Variants in TMED3 observed in about 807,000 individuals in gnomAD.
TMED3 encodes transmembrane p24 trafficking protein 3, also known as transmembrane emp24 domain-containing protein 3.
Under a neutral mutation model 15.0 loss-of-function variants are expected in TMED3, and 9 were observed. The observed-to-expected ratio is 0.60, with a 90% CI of 0.36 to 1.04. The LOEUF (loss-of-function observed/expected upper bound fraction) is 1.04. TMED3 is among the 50% of genes least tolerant of loss of function. The pLI, the probability that TMED3 is intolerant of heterozygous loss-of-function variation, is 0.01. For synonymous variants in TMED3, 117 were observed against 121.4 expected, an observed-to-expected ratio of 0.96 and a Z score of 0.24; for missense variants, 267 against 278.9, an observed-to-expected ratio of 0.96 and a Z score of 0.30.
intron 2 of TMED3, among the ~76,000 whole-genome samples, chr15:79,374,265 A>G (rs375924940): frequency 6.6e-6 from 1 of 152,320 alleles, no homozygotes; most frequent in African/African-American, 2.4e-5. Flanking sequence ...TCTTATTGCT[A>G]CAAAGAGACT....
chr15:79,324,667 G>A (rs1197343918), downstream of TMED3, among the ~76,000 whole-genome samples: 3 of 152,168 alleles, frequency 2.0e-5, no homozygotes, highest in African/African-American at 7.2e-5. Context: ...AAAAATGTAT[G>A]AGGCTTTAGA....
intron 2 of TMED3, among the ~76,000 whole-genome samples, chr15:79,331,049 A>G (rs2058806377): frequency 6.6e-6 from 1 of 152,190 alleles, no homozygotes; most frequent in Non-Finnish European, 1.5e-5. Flanking sequence ...CATGAAGCCA[A>G]CACTTCACAT....
chr15:79,364,756 C>T lies in TMED3; in HGVS notation c.418-46644C>T, dbSNP rs376460586. 5.9e-5 allele frequency among the ~76,000 whole-genome samples: 9 copies of T among 151,678 alleles called. 1 individual carries two copies. In the East Asian group the frequency reaches 1.4e-3, roughly 23 times the overall value. On this transcript the variant is annotated intron_variant, in intron 2 of 2. Coordinates refer to the TMED3 transcript ENST00000424155. ...GAGAGGAGTTTGGCCACTGGATGGCCAAACTCTAGGGGCAGATCATCCTCT... is the reference window on the plus strand; with the variant it reads ...GAGAGGAGTTTGGCCACTGGATGGCTAAACTCTAGGGGCAGATCATCCTCT...
chr15:79,368,093 ATGT>A (rs879455342), intron 2 of TMED3, among the ~76,000 whole-genome samples: 1 of 152,140 alleles, frequency 6.6e-6, no homozygotes, highest in Non-Finnish European at 1.5e-5. Context: ...GTATGTTAGG[ATGT>A]TGTTTTTAGT....
At chr15:79,402,471 T>C (rs940628400) in intron 2 of TMED3, among the ~76,000 whole-genome samples, 4 of 152,128 alleles carry the variant, frequency 2.6e-5, no homozygotes, top group African/African-American at 9.7e-5. Flanking sequence ...GTCCTAGCAC[T>C]TGGTAGGGTA....
intron 2 of TMED3, among the ~76,000 whole-genome samples, chr15:79,341,011 T>C (rs1014099033): frequency 2.0e-5 from 3 of 151,962 alleles, no homozygotes; most frequent in African/African-American, 4.8e-5. Flanking sequence ...CTGGGCAACA[T>C]ACTGAGGCCC....
At chr15:79,406,831 T>C (rs1023474647) in intron 2 of TMED3, among the ~76,000 whole-genome samples, 4 of 152,320 alleles carry the variant, frequency 2.6e-5, no homozygotes, top group Admixed American at 2.6e-4. Flanking sequence ...TGTGTGCCTG[T>C]TATGTTAACA....
intron 2 of TMED3, among the ~76,000 whole-genome samples, chr15:79,356,723 A>G (rs1026407803): frequency 6.6e-6 from 1 of 152,196 alleles, no homozygotes; most frequent in East Asian, 1.9e-4. Context: ...GAAAGCATTC[A>G]TCCCCTTTAA....
intron 1 of TMED3, among the ~76,000 whole-genome samples, 157 bp from the exon 2 acceptor site, chr15:79,313,600 C>G (rs1165741504): frequency 2.6e-5 from 4 of 152,212 alleles, no homozygotes; most frequent in Non-Finnish European, 4.4e-5. Flanking sequence ...TAACCTTGCT[C>G]AGCCTTAGTA....
intron 2 of TMED3, among the ~76,000 whole-genome samples, chr15:79,371,475 A>C (rs1893337889): frequency 6.6e-6 from 1 of 152,284 alleles, no homozygotes; most frequent in South Asian, 2.1e-4. Flanking sequence ...TGCAGCAAAG[A>C]AAGAGTTTAA....
intron 2 of TMED3, among the ~76,000 whole-genome samples, chr15:79,366,687 G>A (rs111526628): frequency 1.0e-3 from 158 of 152,326 alleles, no homozygotes; most frequent in African/African-American, 3.6e-3. Context: ...CTTTGGAAAA[G>A]CTGGCCATTT....
intron 2 of TMED3, among the ~76,000 whole-genome samples, chr15:79,350,301 A>G (rs906220936): frequency 6.6e-6 from 1 of 152,156 alleles, no homozygotes; most frequent in Non-Finnish European, 1.5e-5. Flanking sequence ...AGGAGAATTG[A>G]CTCACATAAT....
chr15:79,334,465 G>T (rs1216439154), intron 2 of TMED3, among the ~76,000 whole-genome samples: 2 of 152,138 alleles, frequency 1.3e-5, no homozygotes, highest in Non-Finnish European at 2.9e-5. Flanking sequence ...GGTCAGAGGA[G>T]AAGCTTTTCA....
intron 2 of TMED3, among the ~76,000 whole-genome samples, chr15:79,373,434 C>T (rs1232998314): frequency 6.6e-6 from 1 of 152,132 alleles, no homozygotes; most frequent in Admixed American, 6.5e-5. Flanking sequence ...GTGAATTTCC[C>T]TCGCCTCCCA....
chr15:79,342,980 G>A (rs747422646), intron 2 of TMED3, among the ~76,000 whole-genome samples: 1 of 152,136 alleles, frequency 6.6e-6, no homozygotes, highest in East Asian at 1.9e-4. Context: ...CTGAGATTGG[G>A]TAGTAAGGAA....
intron 2 of TMED3, among the ~76,000 whole-genome samples, chr15:79,398,362 A>G (rs963359611): frequency 6.6e-6 from 1 of 151,966 alleles, no homozygotes; most frequent in Non-Finnish European, 1.5e-5. Context: ...CAGTGGCATA[A>G]TCATAGCTCA....
At chr15:79,360,953 A>T in intron 2 of TMED3, among the ~76,000 whole-genome samples, 1 of 151,836 alleles carries the variant, frequency 6.6e-6, no homozygotes, top group East Asian at 1.9e-4. Context: ...GGTTCAAATG[A>T]TCTGCCTGCC....
chr15:79,334,527 A>G (rs12914186), intron 2 of TMED3, among the ~76,000 whole-genome samples: 37,613 of 151,978 alleles, frequency 0.25, 5,846 homozygotes, highest in Middle Eastern at 0.41. Flanking sequence ...GGGGAGCTTT[A>G]TAGCCCCAAA....
intron 2 of TMED3, among the ~76,000 whole-genome samples, chr15:79,407,042 C>T (rs767514791): frequency 5.3e-5 from 8 of 152,316 alleles, no homozygotes; most frequent in African/African-American, 9.6e-5. Context: ...GCCTCTTTCA[C>T]GTGTTTCCAG....
Sources: gnomAD v4.1 joint callset for allele counts (sites outside exome capture counted in the v4.1 genomes callset) on GRCh38, gnomAD v4.1.1 for gene constraint, MANE v1.5 for transcripts, NCBI Gene and HGNC (gene_info 2026-07-23, HGNC 2026-07-21) for gene names.